Variants in CCDC144A observed in about 807,000 individuals in gnomAD.
The protein encoded by CCDC144A is coiled-coil domain-containing protein 144A.
In CCDC144A, 41 loss-of-function variants were observed where a neutral mutation model predicts 143.8. The ratio of observed to expected loss-of-function variants is 0.29; its 90% CI spans 0.22 to 0.37. The LOEUF (loss-of-function observed/expected upper bound fraction) is 0.37, where lower values mean the gene tolerates loss of function less well. Ranked by LOEUF, CCDC144A falls within the 10% of genes least tolerant of loss-of-function variation. The pLI is 1.00. For synonymous variants in CCDC144A, 242 were observed against 517.9 expected (o/e 0.47, Z 7.23); for missense variants, 637 against 1,488.8 (o/e 0.43, Z 9.41).
At chr17:16,689,114 T>C (rs1910897493), upstream of CCDC144A, among the ~76,000 whole-genome samples, 1 of 152,120 alleles carries the variant, frequency 6.6e-6, no homozygotes, top group Non-Finnish European at 1.5e-5. Context: ...CTCTCTAGAT[T>C]CTCCTTTGTC....
upstream of CCDC144A, among the ~76,000 whole-genome samples, chr17:16,687,030 G>T (rs1910809332): frequency 6.6e-6 from 1 of 152,052 alleles, no homozygotes; most frequent in African/African-American, 2.4e-5. Context: ...AGGTGAAGGT[G>T]GAAAGTTGGT....
intron 3 of CCDC144A, chr17:16,706,973 C>T (rs1912100223): frequency 6.6e-6 from 1 of 152,228 alleles, no homozygotes; most frequent in Non-Finnish European, 1.5e-5. Context: ...TTATTTTTAG[C>T]AGTCTGTTTT....
At position 16,746,269 on chromosome 17, in the gene CCDC144A, C is replaced by CTTTT. The variant is rs1265518914; in HGVS notation, c.3372+10627_3372+10628insTTTT. 2.4e-5 allele frequency: 23 copies of CTTTT among 951,882 alleles called. No individual in the cohort carries two copies. The African/African-American group carries it at 3.0e-4, about 13-fold the overall frequency. The allele number at this position is 951,882 out of a possible 1,614,324, so 59.0% of individuals were successfully genotyped here. On this transcript the variant is annotated intron_variant, in intron 12 of 16. Transcript: ENST00000399273. ...TTCTTCTGTTTATCTGTCTCTCTCT[C>CTTTT]TCTTTTTTTTTTTTTTTGCATCTTT...
the CCDC144A span, among the ~76,000 whole-genome samples, chr17:16,680,796 C>T: frequency 2.6e-5 from 4 of 151,906 alleles, no homozygotes; most frequent in African/African-American, 4.8e-5. Context: ...AGGATTCTAC[C>T]GACCAATCTA....
rs548198187 is a variant in CCDC144A at position 16,710,763 on chromosome 17, A to G, written c.1579-916A>G. Reference sequence around the variant, plus strand: ...GCCTCCCACCCTCCGCTAAGGCATTAAATTATTTTACCCAAGTCACACTTT... The same window carrying G: ...GCCTCCCACCCTCCGCTAAGGCATTGAATTATTTTACCCAAGTCACACTTT... On this transcript the variant is annotated intron_variant, in intron 5 of 16. Transcript: ENST00000399273. Among the ~76,000 whole-genome samples, 20 of 152,298 alleles carry G rather than the reference A, an allele frequency of 1.3e-4. No homozygotes were observed. The South Asian group carries it at 3.1e-3, about 24-fold the overall frequency.
chr17:16,697,423 T>C (rs2143056479), intron 2 of CCDC144A, among the ~76,000 whole-genome samples: 1 of 152,292 alleles, frequency 6.6e-6, no homozygotes, highest in Admixed American at 6.5e-5. Flanking sequence ...CTCCATGGCC[T>C]GTAGTTTGCT....
the CCDC144A span, among the ~76,000 whole-genome samples, chr17:16,667,696 A>G: frequency 6.6e-6 from 1 of 151,874 alleles, no homozygotes; most frequent in Admixed American, 6.6e-5. Context: ...TATTTTACTG[A>G]TATAACTGAG....
chr17:16,675,363 G>C, the CCDC144A span, among the ~76,000 whole-genome samples: 1 of 150,474 alleles, frequency 6.6e-6, no homozygotes, highest in South Asian at 2.1e-4. Flanking sequence ...AATTTAGATT[G>C]TTGTTTACAT....
chr17:16,724,431 A>C (rs1597559649), intron 8 of CCDC144A, among the ~76,000 whole-genome samples: 1 of 148,898 alleles, frequency 6.7e-6, no homozygotes, highest in Non-Finnish European at 1.5e-5. Flanking sequence ...AATGGCGTGA[A>C]CCCGGGAGGC....
chr17:16,764,537 C>A (rs1450438207), intron 15 of CCDC144A: 4 of 307,610 alleles, frequency 1.3e-5, no homozygotes, highest in Non-Finnish European at 2.2e-5. Context: ...TGCCTGGGGT[C>A]ACTTTTAAAG....
At chr17:16,728,332 G>A (rs573717116) in intron 9 of CCDC144A, among the ~76,000 whole-genome samples, 1 of 152,294 alleles carries the variant, frequency 6.6e-6, no homozygotes, top group African/African-American at 2.4e-5. Context: ...GAGCCGTCAT[G>A]CCCAGCCCAG....
intron 2 of CCDC144A, 139 bp downstream of exon 2, chr17:16,693,188 G>T (rs1170933254): frequency 3.3e-6 from 2 of 599,394 alleles, no homozygotes; most frequent in Non-Finnish European, 5.6e-6. Context: ...TTCTTGGTAG[G>T]TTAGATGTCA....
At chr17:16,675,818 C>G in the CCDC144A span, among the ~76,000 whole-genome samples, 1 of 152,028 alleles carries the variant, frequency 6.6e-6, no homozygotes, top group Non-Finnish European at 1.5e-5. Flanking sequence ...TCTCGGCTCA[C>G]TGCAAGCTCC....
chr17:16,753,439 T>TG (rs1567606561), intron 12 of CCDC144A, among the ~76,000 whole-genome samples: 25 of 144,370 alleles, frequency 1.7e-4, no homozygotes, highest in African/African-American at 5.4e-4. Context: ...TTTTTTTTTT[T>TG]TTTTTTTTTT....
At chr17:16,753,770 C>G (rs1168420050) in intron 12 of CCDC144A, among the ~76,000 whole-genome samples, 1 of 150,062 alleles carries the variant, frequency 6.7e-6, no homozygotes, top group Non-Finnish European at 1.5e-5. Flanking sequence ...ATTTCTCTGA[C>G]AATTTTTGTA....
intron 12 of CCDC144A, among the ~76,000 whole-genome samples, chr17:16,749,389 T>G (rs1914682081): frequency 6.6e-6 from 1 of 152,242 alleles, no homozygotes; most frequent in South Asian, 2.1e-4. Flanking sequence ...CATGTAATTG[T>G]GTGGTTTTCA....
At chr17:16,673,431 G>A in the CCDC144A span, among the ~76,000 whole-genome samples, 2 of 148,752 alleles carry the variant, frequency 1.3e-5, no homozygotes, top group Admixed American at 1.3e-4. Context: ...TTGTTGCCCA[G>A]GCTGGAGTAC....
rs571451921 is a variant in CCDC144A, at chr17:16,765,858, T to C, written c.4098+1683T>C. On this transcript the variant is annotated intron_variant, in intron 15 of 16. Coordinates refer to ENST00000399273, the MANE Select transcript of CCDC144A (RefSeq NM_001382000.1). ...CCACTGGGTACTAATGGGAAATGAA[T>C]GTTAAATACGTCTGTAAATGGTTAA... 4 of 152,384 alleles carry C rather than the reference T, an allele frequency of 2.6e-5. No homozygotes were observed. The South Asian group carries it at 6.2e-4, about 24-fold the overall frequency. The allele number at this position is 152,384 out of a possible 1,614,324, so 9.4% of individuals were successfully genotyped here.
chr17:16,668,567 T>C, the CCDC144A span, among the ~76,000 whole-genome samples: 4 of 152,232 alleles, frequency 2.6e-5, no homozygotes, highest in Admixed American at 2.6e-4. Flanking sequence ...TTTGACATAA[T>C]GAAAGTGCAT....
Sources: allele counts gnomAD v4.1 joint callset (sites outside exome capture counted in the v4.1 genomes callset), GRCh38; gene constraint gnomAD v4.1.1; transcripts MANE v1.5; gene names NCBI Gene and HGNC (gene_info 2026-07-23, HGNC 2026-07-21).